The following CNTN4 variants were observed in gnomAD, a reference collection of about 807,000 sequenced individuals.
CNTN4 encodes the protein contactin 4, also known as contactin-4.
CNTN4 carries 77 observed loss-of-function variants against 122.5 expected under a neutral mutation model. That is an observed-to-expected ratio of 0.63 (90% CI 0.52 to 0.76). The LOEUF (loss-of-function observed/expected upper bound fraction) is 0.76. CNTN4 is among the 30% of genes least tolerant of loss of function. The pLI is 0.00. For synonymous variants in CNTN4, 512 were observed against 447.0 expected (o/e 1.15, Z -1.83); for missense variants, 1,256 against 1,259.1 (o/e 1.00, Z 0.04).
chr3:2,960,557 CTTAG>C (rs370269792), intron 13 of CNTN4, among the ~76,000 whole-genome samples: 37 of 152,146 alleles, frequency 2.4e-4, no homozygotes, highest in Admixed American at 3.9e-4. Context: ...TTAATAATGA[CTTAG>C]TTAGTATTAT....
At chr3:2,548,425 A>G (rs145192874) in intron 3 of CNTN4, among the ~76,000 whole-genome samples, 3,974 of 152,272 alleles carry the variant, frequency 0.026, 187 homozygotes, top group African/African-American at 0.091. Flanking sequence ...CATTTATTAA[A>G]TAGGGAATCC....
At chr3:2,285,222 A>ACTTTTAAGT (rs2041860375) in intron 2 of CNTN4, among the ~76,000 whole-genome samples, 1 of 152,112 alleles carries the variant, frequency 6.6e-6, no homozygotes, top group Admixed American at 6.5e-5. Context: ...CAAGATGAGT[A>ACTTTTAAGT]ACAAATACAT....
In CNTN4 at chr3:2,257,312, C is replaced by G. The variant is rs545095682; in HGVS notation, c.-144-81866C>G. Among the ~76,000 whole-genome samples, 3 of 152,226 alleles carry G rather than the reference C, an allele frequency of 2.0e-5. No individual in the cohort carries two copies. The South Asian group carries it at 6.2e-4, about 32-fold the overall frequency. On this transcript the variant is annotated intron_variant, in intron 2 of 24. Coordinates refer to ENST00000418658, the MANE Select transcript of CNTN4 (RefSeq NM_175607.3). ...CTCAAGCTGGATTAAACACTTAAAC[C>G]TAAGACCTAAAACCATAAAAACCAC... is the stretch of plus-strand genomic sequence containing the variant.
intron 10 of CNTN4, among the ~76,000 whole-genome samples, chr3:2,899,453 G>C (rs2094149567): frequency 6.6e-6 from 1 of 152,126 alleles, no homozygotes; most frequent in Admixed American, 6.6e-5. Flanking sequence ...AACACATAAA[G>C]TTCCAGAATG....
chr3:2,541,075 C>A (rs1320729397), intron 3 of CNTN4, among the ~76,000 whole-genome samples: 1 of 152,164 alleles, frequency 6.6e-6, no homozygotes, highest in African/African-American at 2.4e-5. Flanking sequence ...GTCTAATCTC[C>A]TATCTTTCTT....
At chr3:2,680,242 C>T (rs912140706) in intron 4 of CNTN4, among the ~76,000 whole-genome samples, 2 of 152,120 alleles carry the variant, frequency 1.3e-5, no homozygotes, top group East Asian at 1.9e-4. Context: ...ATCAGCCAAG[C>T]GAGGCAAGGC....
intron 4 of CNTN4, among the ~76,000 whole-genome samples, chr3:2,669,215 T>A (rs2084352713): frequency 6.6e-6 from 1 of 152,222 alleles, no homozygotes; most frequent in Non-Finnish European, 1.5e-5. Flanking sequence ...TGAATCCATC[T>A]GGTCCTGGAC....
At position 2,828,103 on chromosome 3, in the gene CNTN4, C is replaced by T. The variant is rs529184058; in HGVS notation, c.454+8522C>T. Among the ~76,000 whole-genome samples, 56 of 152,092 alleles carry T rather than the reference C, an allele frequency of 3.7e-4. No individual in the cohort carries two copies. In the South Asian group the frequency reaches 6.9e-3, roughly 19 times the overall value. Reference sequence around the variant, plus strand: ...ACTTGAGTCATCTCATTCTCTCTCTCTCTCTCTCTCTGTGTGTGTTTGTGT... The same window carrying T: ...ACTTGAGTCATCTCATTCTCTCTCTTTCTCTCTCTCTGTGTGTGTTTGTGT... On this transcript the variant is annotated intron_variant, in intron 7 of 24. Coordinates refer to ENST00000418658, the MANE Select transcript of CNTN4 (RefSeq NM_175607.3).
chr3:3,040,156 G>A lies in CNTN4; in HGVS notation c.2283G>A (p.Val761=), dbSNP rs1356786166. The change falls in exon 20 of 25, where the codon GTG becomes GTA. Residue 761 remains valine, a synonymous_variant. Coordinates refer to ENST00000418658, the MANE Select transcript of CNTN4 (RefSeq NM_175607.3). ...VLASADASRY[V]FRNESVHPFS... Reference sequence around the variant, plus strand: ...CCTCAGCTGATGCCTCTAGATACGTGTTCAGGAATGAGAGCGTGCACCCCT... The same window carrying A: ...CCTCAGCTGATGCCTCTAGATACGTATTCAGGAATGAGAGCGTGCACCCCT... 4 of 1,614,062 alleles carry A rather than the reference G, an allele frequency of 2.5e-6. No individual in the cohort carries two copies. Among genetic ancestry groups the A allele is most frequent in the African/African-American group, 2.7e-5 (2 of 74,936 alleles).
At chr3:2,327,782 T>C (rs2043522492) in intron 2 of CNTN4, among the ~76,000 whole-genome samples, 1 of 152,192 alleles carries the variant, frequency 6.6e-6, no homozygotes, top group South Asian at 2.1e-4. Flanking sequence ...TCCCCTATTC[T>C]GGAGTTCCAG....
intron 4 of CNTN4, among the ~76,000 whole-genome samples, chr3:2,705,367 C>CA (rs540264724): frequency 0.038 from 1,845 of 48,094 alleles, 71 homozygotes; most frequent in African/African-American, 0.13. Context: ...GACTCCGTCT[C>CA]AAAAAAAAAA....
At chr3:2,631,816 C>T (rs2082440233) in intron 4 of CNTN4, among the ~76,000 whole-genome samples, 1 of 144,408 alleles carries the variant, frequency 6.9e-6, no homozygotes, top group Admixed American at 7.4e-5. Flanking sequence ...ATCACTTAAA[C>T]CCAAGAGTTC....
chr3:2,436,442 A>T (rs1041904215), intron 3 of CNTN4, among the ~76,000 whole-genome samples: 2 of 152,136 alleles, frequency 1.3e-5, no homozygotes, highest in Non-Finnish European at 2.9e-5. Context: ...TCCTAATCAG[A>T]TGAGGAAGGA....
At chr3:2,692,664 T>C (rs1389432022) in intron 4 of CNTN4, among the ~76,000 whole-genome samples, 6 of 152,158 alleles carry the variant, frequency 3.9e-5, no homozygotes, top group Non-Finnish European at 7.3e-5. Flanking sequence ...CACTGGCGCA[T>C]GCAAACACTA....
At chr3:2,640,649 G>GTT (rs1379769485) in intron 4 of CNTN4, among the ~76,000 whole-genome samples, 1 of 151,944 alleles carries the variant, frequency 6.6e-6, no homozygotes, top group African/African-American at 2.4e-5. Context: ...ATATGTGTGT[G>GTT]TGTATATATG....
intron 2 of CNTN4, among the ~76,000 whole-genome samples, chr3:2,301,476 C>G (rs555655155): frequency 2.4e-4 from 36 of 152,336 alleles, no homozygotes; most frequent in South Asian, 2.1e-4. Context: ...TGGTTCTGCT[C>G]TATATCAAGA....
chr3:2,627,752 C>A (rs535329296), intron 4 of CNTN4, among the ~76,000 whole-genome samples: 33 of 152,214 alleles, frequency 2.2e-4, no homozygotes, highest in Admixed American at 1.8e-3. Flanking sequence ...CTCGGCCTCC[C>A]AAAGTGCTGG....
At chr3:2,400,428 C>CATATATATATTTATATATATAT (rs2046808073) in intron 3 of CNTN4, among the ~76,000 whole-genome samples, 1 of 95,824 alleles carries the variant, frequency 1.0e-5, no homozygotes, top group Non-Finnish European at 2.2e-5. Flanking sequence ...TATATATATA[C>CATATATATATTTATATATATAT]ATATATATAT....
At chr3:2,135,328 G>A (rs2034638253) in intron 2 of CNTN4, among the ~76,000 whole-genome samples, 2 of 152,132 alleles carry the variant, frequency 1.3e-5, no homozygotes, top group South Asian at 4.1e-4. Flanking sequence ...ATTTTTCCTA[G>A]CAGTGTTATG....
Sources: gnomAD v4.1 joint callset for allele counts (sites outside exome capture counted in the v4.1 genomes callset) on GRCh38, gnomAD v4.1.1 for gene constraint, MANE v1.5 for transcripts, NCBI Gene and HGNC (gene_info 2026-07-23, HGNC 2026-07-21) for gene names.